The following KYAT1 variants were observed in gnomAD, a reference collection of about 807,000 sequenced individuals.
KYAT1 encodes the protein kynurenine aminotransferase 1, also known as kynurenine--oxoglutarate transaminase 1.
A neutral mutation model predicts 52.4 loss-of-function variants in KYAT1; 47 were observed. The observed-to-expected ratio is 0.90, with a 90% CI of 0.71 to 1.14. The LOEUF is 1.14. Among genes scored for constraint, KYAT1 ranks in the 50% most tolerant of loss-of-function variants. The probability of loss-of-function intolerance (pLI) is 0.00; values close to 1 mark genes in which losing one functional copy is unlikely to be tolerated. For synonymous variants in KYAT1, 212 were observed against 209.6 expected (o/e 1.01, Z -0.10); for missense variants, 480 against 557.9 (o/e 0.86, Z 1.41).
chr9:128,838,259 G>C lies in KYAT1; in HGVS notation c.310C>G (p.Leu104Val), dbSNP rs760909093. Reference protein sequence around the residue: ...VLVTVGGYGALFTAFQALVDE... With the variant: ...VLVTVGGYGAVFTAFQALVDE... ...ACCAGGGCCTGGAAGGCTGTGAACA[G>C]GGCCCCATAGCCACCAACAGTCACC... Residue 104 changes from leucine to valine, a missense_variant, in exon 4 of 13, where the codon CTG becomes GTG. Coordinates refer to ENST00000302586, the MANE Select transcript of KYAT1 (RefSeq NM_004059.5). 3 of 1,614,228 alleles carry C rather than the reference G, an allele frequency of 1.9e-6. No homozygotes were observed. The highest frequency in any genetic ancestry group is 2.2e-5 in the East Asian group (1 of 44,888).
intron 1 of KYAT1, among the ~76,000 whole-genome samples, chr9:128,863,128 G>C (rs922552048): frequency 2.6e-5 from 4 of 151,818 alleles, no homozygotes; most frequent in Middle Eastern, 3.2e-3. Flanking sequence ...TGCCCGGCCA[G>C]AAGTGAATGT....
intron 11 of KYAT1, among the ~76,000 whole-genome samples, chr9:128,834,785 T>C (rs1589610001): frequency 7.0e-6 from 1 of 143,770 alleles, no homozygotes; most frequent in Non-Finnish European, 1.5e-5. Context: ...TGTGCTGAGA[T>C]TGCGCCACTG....
At chr9:128,878,260 G>A (rs1838310967) in intron 1 of KYAT1, among the ~76,000 whole-genome samples, 1 of 151,964 alleles carries the variant, frequency 6.6e-6, no homozygotes, top group Admixed American at 6.6e-5. Flanking sequence ...TCAGCCTCCA[G>A]AGTAGCTGGG....
Position 128,833,359 on chromosome 9 carries a change from GGA to G in KYAT1, c.*223_*224del. The G allele has an allele frequency of 1.6e-6, 1 of 609,836 alleles. No homozygotes were observed. Among genetic ancestry groups the G allele is most frequent in the Non-Finnish European group, 2.9e-6 (1 of 344,314 alleles). 37.8% of individuals were successfully genotyped at this position (609,836 alleles called of 1,614,324 possible). A position where few individuals can be genotyped will look rare whatever the true frequency, so the allele number is the denominator to read the frequency against. ...TACAAACCCACCTATGGAGGGGCAG[GGA>G]GAGGCCCAGGTCAGGCCACCCTCAC... is the stretch of plus-strand genomic sequence containing the variant. On this transcript the variant is annotated 3_prime_UTR_variant, in exon 13 of 13. Coordinates refer to ENST00000302586, the MANE Select transcript of KYAT1 (RefSeq NM_004059.5).
At chr9:128,835,112 G>A (rs1830795355) in intron 11 of KYAT1, 1 of 566,598 alleles carries the variant, frequency 1.8e-6, no homozygotes, top group Non-Finnish European at 3.1e-6. Context: ...ACTCCAGCCT[G>A]GGCAAGAGTG....
At chr9:128,876,786 G>A (rs1838107521) in intron 1 of KYAT1, among the ~76,000 whole-genome samples, 1 of 150,026 alleles carries the variant, frequency 6.7e-6, no homozygotes, top group Admixed American at 6.7e-5. Context: ...GAGTGCAGTG[G>A]CACAATCTTG....
intron 1 of KYAT1, among the ~76,000 whole-genome samples, chr9:128,850,671 G>T (rs1833840498): frequency 6.6e-6 from 1 of 152,188 alleles, no homozygotes; most frequent in Non-Finnish European, 1.5e-5. Context: ...CCTGTAAAGG[G>T]TCTGTGCTGA....
At chr9:128,860,592 G>A (rs1835329828) in intron 1 of KYAT1, 1 of 149,590 alleles carries the variant, frequency 6.7e-6, no homozygotes, top group African/African-American at 2.5e-5. Flanking sequence ...TTGAAACGGA[G>A]TCTTGCTTTG....
chr9:128,851,978 C>T (rs113166768), intron 1 of KYAT1, among the ~76,000 whole-genome samples: 6,190 of 152,170 alleles, frequency 0.041, 135 homozygotes, highest in Middle Eastern at 0.082. Flanking sequence ...CGACTTGGCT[C>T]GTGGCACTCA....
chr9:128,853,908 C>A (rs1834265116), intron 1 of KYAT1, among the ~76,000 whole-genome samples: 2 of 152,226 alleles, frequency 1.3e-5, no homozygotes, highest in African/African-American at 4.8e-5. Context: ...CACACATGTA[C>A]CTTCATTTGG....
chr9:128,840,738 AT>A (rs1213864548), intron 3 of KYAT1: 1 of 411,884 alleles, frequency 2.4e-6, no homozygotes. Flanking sequence ...TTGTTTGTTT[AT>A]TTTTCAGACA....
chr9:128,867,866 G>A (rs57188102), intron 1 of KYAT1, among the ~76,000 whole-genome samples: 8,243 of 152,028 alleles, frequency 0.054, 161 homozygotes, highest in African/African-American at 0.093. Context: ...TCTGCCTCCC[G>A]GGTTCACGCC....
At chr9:128,881,667 G>A (rs1838934482) in intron 1 of KYAT1, among the ~76,000 whole-genome samples, 1 of 152,136 alleles carries the variant, frequency 6.6e-6, no homozygotes, top group African/African-American at 2.4e-5. Flanking sequence ...TCGTGGGAGG[G>A]GGATTTGGGT....
At chr9:128,837,855 T>TGAC in intron 5 of KYAT1, 42 bp from the exon 6 acceptor site, 2 of 1,608,342 alleles carry the variant, frequency 1.2e-6, no homozygotes, top group Non-Finnish European at 1.7e-6. Context: ...CTTAACCACC[T>TGAC]GACATGCAGG....
rs551308969 is a variant in KYAT1, at chr9:128,855,474, G to C, written c.-6-10063C>G. Among the ~76,000 whole-genome samples, 195 of 152,334 alleles carry C rather than the reference G, an allele frequency of 1.3e-3. 1 individual carries two copies. The highest frequency in any genetic ancestry group is 3.4e-3 in the Middle Eastern group (1 of 294). ...ATTTGGTCTGGAAATCAAGTTATCG[G>C]AACAAGAAATCATAAGCCACATTAT... On this transcript the variant is annotated intron_variant, in intron 1 of 12. Coordinates refer to ENST00000302586, the MANE Select transcript of KYAT1 (RefSeq NM_004059.5).
At chr9:128,878,525 A>T (rs1252340433) in intron 1 of KYAT1, among the ~76,000 whole-genome samples, 2 of 151,964 alleles carry the variant, frequency 1.3e-5, no homozygotes, top group South Asian at 2.1e-4. Context: ...ATGAATCCAA[A>T]TTTTTTTTGA....
At position 128,833,299 on chromosome 9, in the gene KYAT1, C is replaced by T. The variant is rs1311263302; in HGVS notation, c.*285G>A. The T allele has an allele frequency of 3.6e-6, 2 of 559,358 alleles. No individual in the cohort carries two copies. The highest frequency in any genetic ancestry group is 6.4e-6 in the Non-Finnish European group (2 of 312,556). The allele number at this position is 559,358 out of a possible 1,614,324, so 34.6% of individuals were successfully genotyped here. A position where few individuals can be genotyped will look rare whatever the true frequency, so the allele number is the denominator to read the frequency against. ...GGTGGAAGTCTACCGTCCGTCTCAG[C>T]CAAGCCTGGAGAGACCAGAAGCAAC... is the stretch of plus-strand genomic sequence containing the variant. On this transcript the variant is annotated 3_prime_UTR_variant, in exon 13 of 13. Transcript: ENST00000302586.
intron 1 of KYAT1, among the ~76,000 whole-genome samples, chr9:128,878,428 C>T (rs1838331565): frequency 6.6e-6 from 1 of 152,220 alleles, no homozygotes; most frequent in African/African-American, 2.4e-5. Flanking sequence ...AACCACCACA[C>T]CCAGTCAACA....
intron 3 of KYAT1, chr9:128,840,645 GAACTTTCC>G: frequency 2.2e-6 from 1 of 445,234 alleles, no homozygotes; most frequent in Non-Finnish European, 4.5e-6. Context: ...ATCAAAGAAG[GAACTTTCC>G]AACCAGCTCT....
Sources: gnomAD v4.1 joint callset for allele counts (sites outside exome capture counted in the v4.1 genomes callset) on GRCh38, gnomAD v4.1.1 for gene constraint, MANE v1.5 for transcripts, NCBI Gene and HGNC (gene_info 2026-07-23, HGNC 2026-07-21) for gene names.